Variants in SYNRG observed in about 807,000 individuals in gnomAD.
SYNRG encodes the protein AP1 gamma subunit binding protein 1.
Under a neutral mutation model 130.9 loss-of-function variants are expected in SYNRG, and 37 were observed. That is an observed-to-expected ratio of 0.28 (90% CI 0.22 to 0.37). The LOEUF (loss-of-function observed/expected upper bound fraction) is 0.37, where lower values mean the gene tolerates loss of function less well. Among genes scored for constraint, SYNRG ranks in the 10% least tolerant of loss-of-function variants. SYNRG has a pLI of 1.00. For synonymous variants in SYNRG, 539 were observed against 568.1 expected (o/e 0.95, Z 0.73); for missense variants, 1,338 against 1,588.9 (o/e 0.84, Z 2.68).
At chr17:37,537,811 T>A (rs2057353246) in intron 18 of SYNRG, among the ~76,000 whole-genome samples, 1 of 152,128 alleles carries the variant, frequency 6.6e-6, no homozygotes, top group Non-Finnish European at 1.5e-5. Flanking sequence ...TGAGTAAAGA[T>A]TTGAAAAAGA....
chr17:37,568,734 G>A, intron 11 of SYNRG, 57 bp downstream of exon 11: 1 of 1,578,518 alleles, frequency 6.3e-7, no homozygotes, highest in South Asian at 1.2e-5. Flanking sequence ...TTCCTATTAT[G>A]GATGCCTCTT....
At chr17:37,601,558 C>A (rs1011736061) in intron 1 of SYNRG, among the ~76,000 whole-genome samples, 2 of 152,252 alleles carry the variant, frequency 1.3e-5, no homozygotes, top group East Asian at 3.9e-4. Flanking sequence ...ATTTCCAGAA[C>A]CTTTCCATCA....
At chr17:37,601,019 T>C (rs1431756447) in intron 1 of SYNRG, 1 of 152,962 alleles carries the variant, frequency 6.5e-6, no homozygotes, top group Non-Finnish European at 1.5e-5. Context: ...GTTAACTATA[T>C]GATTTAAAAG....
chr17:37,567,895 A>G (rs1251296438), intron 11 of SYNRG: 3 of 152,248 alleles, frequency 2.0e-5, no homozygotes, highest in African/African-American at 4.8e-5. Context: ...CTTTGCAGAA[A>G]TATCTAAATA....
chr17:37,564,211 C>A (rs2059751625), intron 11 of SYNRG, among the ~76,000 whole-genome samples: 1 of 152,176 alleles, frequency 6.6e-6, no homozygotes, highest in African/African-American at 2.4e-5. Flanking sequence ...TGATTAGGCT[C>A]CCAAGTGCCT....
At chr17:37,570,924 A>T in intron 9 of SYNRG, 39 bp from the exon 10 acceptor site, 1 of 1,581,414 alleles carries the variant, frequency 6.3e-7, no homozygotes, top group Non-Finnish European at 8.6e-7. Flanking sequence ...GAGGATTGTA[A>T]ACCACATACG....
chr17:37,541,792 T>C (rs1427402456), intron 15 of SYNRG, 180 bp downstream of exon 15: 2 of 655,244 alleles, frequency 3.1e-6, no homozygotes, highest in East Asian at 5.5e-5. Context: ...TGAGGGATGC[T>C]GATTTTGACT....
chr17:37,514,971 T>G lies in SYNRG; in HGVS notation c.*3969A>C, dbSNP rs914834776. ...GGAGAAACCACACCATCTTTTAAAA[T>G]ACAGGCGCGAATTCCACATCACGCA... On this transcript the variant is annotated 3_prime_UTR_variant, in exon 22 of 22. Transcript: ENST00000612223. The G allele has an allele frequency of 6.6e-6, 1 of 152,200 alleles. No individual in the cohort carries two copies. Among genetic ancestry groups the G allele is most frequent in the Admixed American group, 6.5e-5 (1 of 15,268 alleles). The allele number at this position is 152,200 out of a possible 1,614,324, so 9.4% of individuals were successfully genotyped here.
intron 1 of SYNRG, among the ~76,000 whole-genome samples, chr17:37,607,618 G>A (rs550791358): frequency 8.5e-4 from 129 of 152,266 alleles, no homozygotes; most frequent in African/African-American, 3.0e-3. Flanking sequence ...GTGAAACCCC[G>A]TCTCTACTAA....
At chr17:37,597,535 T>C (rs1475378489) in intron 2 of SYNRG, among the ~76,000 whole-genome samples, 1 of 152,248 alleles carries the variant, frequency 6.6e-6, no homozygotes, top group African/African-American at 2.4e-5. Context: ...TTTGTAAAAC[T>C]GTTTAATACT....
At chr17:37,578,287 C>T (rs558074685) in intron 6 of SYNRG, among the ~76,000 whole-genome samples, 2 of 151,308 alleles carry the variant, frequency 1.3e-5, no homozygotes, top group African/African-American at 4.9e-5. Flanking sequence ...GCTGAAATCA[C>T]GCCACTGCAC....
At position 37,517,886 on chromosome 17, in the gene SYNRG, C is replaced by T. The variant is rs1245392591; in HGVS notation, c.*1054G>A. On this transcript the variant is annotated 3_prime_UTR_variant, in exon 22 of 22. Transcript: ENST00000612223. ...AAATGGCAAAGACAATTCCCTACTC[C>T]AGGAAGCATGAGCCTTTTCTATCTA... 3.3e-5 allele frequency: 5 copies of T among 152,194 alleles called. No homozygotes were observed. Among genetic ancestry groups the T allele is most frequent in the African/African-American group, 9.6e-5 (4 of 41,458 alleles). The allele number at this position is 152,194 out of a possible 1,614,324, so 9.4% of individuals were successfully genotyped here.
intron 19 of SYNRG, among the ~76,000 whole-genome samples, chr17:37,526,578 A>C (rs963959089): frequency 6.6e-6 from 1 of 152,232 alleles, no homozygotes; most frequent in African/African-American, 2.4e-5. Context: ...AAAATGGGTG[A>C]GAAGGACTGC....
chr17:37,600,806 T>C (rs538004356), intron 1 of SYNRG: 55 of 251,078 alleles, frequency 2.2e-4, no homozygotes, highest in South Asian at 8.1e-4. Flanking sequence ...AGGGTAAATG[T>C]GCTAACTGCT....
chr17:37,568,764 T>C (rs1248803755), intron 11 of SYNRG, 27 bp downstream of exon 11: 6 of 1,607,196 alleles, frequency 3.7e-6, no homozygotes, highest in South Asian at 2.2e-5. Flanking sequence ...TTAAATGCAA[T>C]GTTAAATATA....
Position 37,542,480 on chromosome 17 carries a change from G to C in SYNRG, c.2694C>G (p.Asp898Glu). 6.2e-7 allele frequency: 1 copy of C among 1,613,826 alleles called. No homozygotes were observed. Among genetic ancestry groups the C allele is most frequent in the Non-Finnish European group, 8.5e-7 (1 of 1,180,030 alleles). Reference protein sequence around the residue: ...VSTLTSYDWSDRDDATQGRKL... With the variant: ...VSTLTSYDWSERDDATQGRKL... Reference sequence around the variant, plus strand: ...TTCTGCCCTGAGTTGCATCATCCCTGTCTGACCAGTCATAGCTTGTAAGTG... The same window carrying C: ...TTCTGCCCTGAGTTGCATCATCCCTCTCTGACCAGTCATAGCTTGTAAGTG... Residue 898 changes from aspartate to glutamate, a missense_variant, in exon 15 of 22, where the codon GAC (aspartate) becomes GAG (glutamate). Physicochemically the swap from Asp to Glu is conservative, Grantham distance 45 (BLOSUM62 2). Around this residue, in one of 3 missense-constraint regions of SYNRG, gnomAD observed 1,146 missense variants for 1,342.3 expected, o/e 0.85. Transcript: ENST00000612223.
chr17:37,600,525 A>C, intron 1 of SYNRG, 122 bp from the exon 2 acceptor site: 1 of 936,522 alleles, frequency 1.1e-6, no homozygotes, highest in Non-Finnish European at 1.7e-6. Flanking sequence ...CTGCACCACA[A>C]TACTGAATTG....
chr17:37,600,028 C>CATCATTAAGTGAATTACAGCTCGT (rs2063129279), intron 2 of SYNRG, among the ~76,000 whole-genome samples: 1 of 152,174 alleles, frequency 6.6e-6, no homozygotes, highest in African/African-American at 2.4e-5. Flanking sequence ...AGGAGAAAGA[C>CATCATTAAGTGAATTACAGCTCGT]ATCATTAAGT....
intron 1 of SYNRG, among the ~76,000 whole-genome samples, chr17:37,607,675 G>A (rs543875769): frequency 1.3e-5 from 2 of 152,170 alleles, no homozygotes; most frequent in African/African-American, 4.8e-5. Flanking sequence ...TGTAATCCCA[G>A]CTACTTGGGA....
Sources: gnomAD v4.1 joint callset for allele counts (sites outside exome capture counted in the v4.1 genomes callset) on GRCh38, gnomAD v4.1.1 for gene constraint, gnomAD v4.1.1 regional missense constraint, MANE v1.5 for transcripts, NCBI Gene and HGNC (gene_info 2026-07-23, HGNC 2026-07-21) for gene names.